The following SLIT2 variants were observed in gnomAD, a reference collection of about 807,000 sequenced individuals.
SLIT2 encodes slit guidance ligand 2, also known as slit homolog 2 protein.
Under a neutral mutation model 185.7 loss-of-function variants are expected in SLIT2, and 41 were observed. The ratio of observed to expected loss-of-function variants is 0.22; its 90% confidence interval spans 0.17 to 0.29. The LOEUF (loss-of-function observed/expected upper bound fraction) is 0.29, where lower values mean the gene tolerates loss of function less well. Among genes scored for constraint, SLIT2 ranks in the 10% least tolerant of loss-of-function variants. SLIT2 has a pLI of 1.00. For synonymous variants in SLIT2, 693 were observed against 680.2 expected, an observed-to-expected ratio of 1.02 and a Z score of -0.29; for missense variants, 1,571 against 1,909.0, an observed-to-expected ratio of 0.82 and a Z score of 3.30.
At chr4:20,371,806 T>C (rs1441946419) in intron 4 of SLIT2, among the ~76,000 whole-genome samples, 1 of 152,104 alleles carries the variant, frequency 6.6e-6, no homozygotes, top group East Asian at 1.9e-4. Flanking sequence ...TCCATATGTA[T>C]GGAAATATAG....
intron 4 of SLIT2, among the ~76,000 whole-genome samples, chr4:20,271,149 G>A (rs1713559699): frequency 6.6e-6 from 1 of 151,708 alleles, no homozygotes; most frequent in Non-Finnish European, 1.5e-5. Context: ...TAGCAGATGG[G>A]AAAATGTGCA....
chr4:20,527,827 TTGG>T (rs1721432762), intron 15 of SLIT2, among the ~76,000 whole-genome samples: 3 of 152,332 alleles, frequency 2.0e-5, no homozygotes, highest in Middle Eastern at 3.4e-3. Context: ...TCTTTCCTTC[TTGG>T]TGATCTTTAC....
rs58727065 is a variant in SLIT2 at position 20,344,660 on chromosome 4, T to C, written c.395+75779T>C. On this transcript the variant is annotated intron_variant, in intron 4 of 36. Coordinates refer to ENST00000504154, the MANE Select transcript of SLIT2 (RefSeq NM_004787.4). ...CCTTTTTCTGTCTCCCTCATTGATATCCTGGAATCTTTTGCTCTGTCCATT... is the reference window on the plus strand; with the variant it reads ...CCTTTTTCTGTCTCCCTCATTGATACCCTGGAATCTTTTGCTCTGTCCATT... Among the ~76,000 whole-genome samples the C allele has an allele frequency of 9.6e-3, 1,465 of 152,292 alleles. 20 individuals are homozygous for C. Among genetic ancestry groups the C allele is most frequent in the African/African-American group, 0.033 (1,360 of 41,554 alleles).
chr4:20,545,690 C>T (rs1723186968), intron 21 of SLIT2, among the ~76,000 whole-genome samples: 1 of 151,994 alleles, frequency 6.6e-6, no homozygotes, highest in East Asian at 1.9e-4. Flanking sequence ...GGTTTTGTTA[C>T]TAGTTAATGA....
chr4:20,410,544 G>A (rs1426633088), intron 4 of SLIT2, among the ~76,000 whole-genome samples: 5 of 151,738 alleles, frequency 3.3e-5, no homozygotes, highest in Non-Finnish European at 5.9e-5. Context: ...GTGAGCCACT[G>A]CACCTGGCTC....
At chr4:20,286,668 A>T (rs1560284474) in intron 4 of SLIT2, among the ~76,000 whole-genome samples, 1 of 152,068 alleles carries the variant, frequency 6.6e-6, no homozygotes, top group Non-Finnish European at 1.5e-5. Flanking sequence ...TGGGCGTGGT[A>T]GCGTGTGCCT....
intron 4 of SLIT2, among the ~76,000 whole-genome samples, chr4:20,351,900 G>A (rs1287108778): frequency 6.6e-6 from 1 of 152,156 alleles, no homozygotes; most frequent in African/African-American, 2.4e-5. Flanking sequence ...TCTCTGATGG[G>A]GGTGTTGATA....
At chr4:20,288,922 C>G (rs1023909963) in intron 4 of SLIT2, among the ~76,000 whole-genome samples, 15 of 152,278 alleles carry the variant, frequency 9.9e-5, no homozygotes, top group Middle Eastern at 3.4e-3. Context: ...TATCTCCCCT[C>G]AAGATGGACT....
chr4:20,539,383 G>A (rs772723658), intron 18 of SLIT2, 58 bp from the exon 19 acceptor site: 270 of 756,022 alleles, frequency 3.6e-4, no homozygotes, highest in Non-Finnish European at 4.9e-4. Flanking sequence ...TCCTCAGATA[G>A]GCAAAATTGA....
intron 4 of SLIT2, among the ~76,000 whole-genome samples, chr4:20,388,779 A>G (rs573839527): frequency 2.5e-4 from 17 of 67,564 alleles, no homozygotes; most frequent in Admixed American, 5.3e-4. Context: ...GTCTCAGGGG[A>G]AAAAAAAAAA....
At chr4:20,380,152 A>C (rs1461679397) in intron 4 of SLIT2, among the ~76,000 whole-genome samples, 1 of 152,178 alleles carries the variant, frequency 6.6e-6, no homozygotes, top group Non-Finnish European at 1.5e-5. Context: ...AAACCCTTTT[A>C]TGCAAGACAG....
At chr4:20,575,150 A>G (rs1725985609) in intron 29 of SLIT2, among the ~76,000 whole-genome samples, 3 of 152,184 alleles carry the variant, frequency 2.0e-5, no homozygotes, top group South Asian at 2.1e-4. Context: ...ATTGTTGTGT[A>G]TACTCTTAGA....
chr4:20,542,423 A>G (rs1722875784), intron 20 of SLIT2, 71 bp from the exon 21 acceptor site: 6 of 1,404,958 alleles, frequency 4.3e-6, no homozygotes, highest in Non-Finnish European at 5.0e-6. Context: ...GTTAATTTAA[A>G]GGCATAAAAT....
At chr4:20,275,368 A>T (rs145856702) in intron 4 of SLIT2, among the ~76,000 whole-genome samples, 15 of 152,296 alleles carry the variant, frequency 9.8e-5, no homozygotes, top group African/African-American at 3.6e-4. Flanking sequence ...AGGATCATAC[A>T]ATTTACTTTC....
At chr4:20,588,424 G>T (rs539293913) in intron 29 of SLIT2, among the ~76,000 whole-genome samples, 6 of 152,232 alleles carry the variant, frequency 3.9e-5, no homozygotes, top group African/African-American at 1.4e-4. Flanking sequence ...TAACAAAGGG[G>T]TGCTGTTACA....
chr4:20,569,454 A>C (rs970516635), intron 29 of SLIT2, among the ~76,000 whole-genome samples: 1 of 152,022 alleles, frequency 6.6e-6, no homozygotes, highest in Non-Finnish European at 1.5e-5. Flanking sequence ...ATGTCCCTCA[A>C]AATAAAAGTC....
chr4:20,597,419 T>C (rs1298769388), intron 32 of SLIT2, among the ~76,000 whole-genome samples: 3 of 152,076 alleles, frequency 2.0e-5, no homozygotes, highest in Admixed American at 2.0e-4. Context: ...TGACATGAAA[T>C]TAACAAACTC....
chr4:20,511,132 T>C lies in SLIT2; in HGVS notation c.1053T>C (p.Asn351=), dbSNP rs1389685196. 1 of 1,591,066 alleles carries C rather than the reference T, an allele frequency of 6.3e-7. No homozygotes were observed. Among genetic ancestry groups the C allele is most frequent in the South Asian group, 1.1e-5 (1 of 90,150 alleles). The change falls in exon 11 of 37, where the codon AAT becomes AAC. Residue 351 remains asparagine (N), a synonymous_variant. Transcript: ENST00000504154. Reference sequence around the variant, plus strand: ...CTTTCCAAGGACTACGCTCTCTGAATTCACTGTAAGTATTCACTGTGTCAC... The same window carrying C: ...CTTTCCAAGGACTACGCTCTCTGAACTCACTGTAAGTATTCACTGTGTCAC... ...PDAFQGLRSL[N]SLVLYGNKIT... is the part of the protein sequence containing the mutation.
chr4:20,501,160 T>C (rs1376140328), intron 9 of SLIT2, among the ~76,000 whole-genome samples: 1 of 152,340 alleles, frequency 6.6e-6, no homozygotes, highest in East Asian at 1.9e-4. Context: ...TTTCATATTA[T>C]GATTTCATCA....
Sources: allele counts gnomAD v4.1 joint callset (sites outside exome capture counted in the v4.1 genomes callset), GRCh38; gene constraint gnomAD v4.1.1; transcripts MANE v1.5; gene names NCBI Gene and HGNC (gene_info 2026-07-23, HGNC 2026-07-21).